SLC24A1: variants seen among roughly 807,000 people sequenced by gnomAD.
The protein encoded by SLC24A1 is solute carrier family 24 member 1, also known as sodium/potassium/calcium exchanger 1.
A neutral mutation model predicts 88.1 loss-of-function variants in SLC24A1; 52 were observed. That is an observed-to-expected ratio of 0.59 (90% CI 0.47 to 0.74). The LOEUF (loss-of-function observed/expected upper bound fraction) is 0.74. SLC24A1 is among the 30% of genes least tolerant of loss of function. The pLI is 0.00. For missense variants in SLC24A1, 1,173 were observed against 1,363.3 expected (o/e 0.86, Z 2.20); for synonymous variants, 455 against 498.0 (o/e 0.91, Z 1.15).
In SLC24A1 at chr15:65,654,864, C is replaced by G. The variant is rs1720873026; in HGVS notation, c.*785C>G. ...CTGCCCGCCTCGGCCTCCCAAAGTGCTGGGATTACAGGCGTCAGCCACCGC... is the reference window on the plus strand; with the variant it reads ...CTGCCCGCCTCGGCCTCCCAAAGTGGTGGGATTACAGGCGTCAGCCACCGC... On this transcript the variant is annotated 3_prime_UTR_variant, in exon 10 of 10. Transcript: ENST00000261892. 8.7e-7 allele frequency: 1 copy of G among 1,146,300 alleles called. No homozygotes were observed. Among genetic ancestry groups the G allele is most frequent in the African/African-American group, 1.7e-5 (1 of 60,404 alleles). The allele number at this position is 1,146,300 out of a possible 1,614,324, so 71.0% of individuals were successfully genotyped here.
At chr15:65,656,497 T>A (rs1691315846), downstream of SLC24A1, among the ~76,000 whole-genome samples, 4 of 152,234 alleles carry the variant, frequency 2.6e-5, no homozygotes, top group Admixed American at 2.6e-4. Context: ...GGTCACACAT[T>A]TACAAACGTA....
Position 65,654,672 on chromosome 15 carries a change from G to A in SLC24A1, c.*593G>A, listed in dbSNP as rs765750663. The stretch of plus-strand genomic sequence containing the variant: ...GGAATTAATGATCATTCCACGTTTT[G>A]TAGCCCACTGCATCTGGATATATAC... On this transcript the variant is annotated 3_prime_UTR_variant, in exon 10 of 10. Coordinates refer to ENST00000261892, the MANE Select transcript of SLC24A1 (RefSeq NM_004727.3). 3.1e-5 allele frequency: 40 copies of A among 1,271,130 alleles called. No homozygotes were observed. Among genetic ancestry groups the A allele is most frequent in the Non-Finnish European group, 4.1e-5 (40 of 983,542 alleles). The allele number at this position is 1,271,130 out of a possible 1,614,324, so 78.7% of individuals were successfully genotyped here.
intron 2 of SLC24A1, among the ~76,000 whole-genome samples, chr15:65,630,331 C>T (rs117620984): frequency 2.0e-4 from 30 of 152,318 alleles, no homozygotes; most frequent in South Asian, 2.1e-4. Flanking sequence ...TCAACAAGAC[C>T]TCAAGCAGAC....
chr15:65,654,804 C>G lies in SLC24A1; in HGVS notation c.*725C>G, dbSNP rs1434962154. 2 of 1,040,998 alleles carry G rather than the reference C, an allele frequency of 1.9e-6. No homozygotes were observed. Among genetic ancestry groups the G allele is most frequent in the Middle Eastern group, 3.9e-4 (1 of 2,534 alleles). The allele number at this position is 1,040,998 out of a possible 1,614,324, so 64.5% of individuals were successfully genotyped here. A position where few individuals can be genotyped will look rare whatever the true frequency, so the allele number is the denominator to read the frequency against. The stretch of plus-strand genomic sequence containing the variant: ...CACCACAACCTTCACCTCCCCGGTT[C>G]AAGCAATTCTCCTGCCTCAGCCTGA... On this transcript the variant is annotated 3_prime_UTR_variant, in exon 10 of 10. Coordinates refer to ENST00000261892, the MANE Select transcript of SLC24A1 (RefSeq NM_004727.3).
rs544205068 is a variant in SLC24A1 at position 65,627,178 on chromosome 15, G to A, written c.1890+1208G>A. Among the ~76,000 whole-genome samples, 34 of 152,322 alleles carry A rather than the reference G, an allele frequency of 2.2e-4. No homozygotes were observed. In the East Asian group the frequency reaches 3.9e-3, roughly 17 times the overall value. ...TGTTCTGGCCAAAGCACGGAATAGA[G>A]AGCCAGGAAACCTGAGTTCTAATCT... On this transcript the variant is annotated intron_variant, in intron 2 of 9. Transcript: ENST00000261892.
chr15:65,638,056 G>A lies in SLC24A1; in HGVS notation c.1891-72G>A, dbSNP rs181202714. The A allele has an allele frequency of 1.4e-3, 1,465 of 1,065,234 alleles. 5 individuals carry two copies. Among genetic ancestry groups the A allele is most frequent in the Non-Finnish European group, 9.6e-4 (669 of 699,592 alleles). 66.0% of individuals were successfully genotyped at this position (1,065,234 alleles called of 1,614,324 possible). A position where few individuals can be genotyped will look rare whatever the true frequency, so the allele number is the denominator to read the frequency against. On this transcript the variant is annotated intron_variant, in intron 2 of 9. Coordinates refer to ENST00000261892, the MANE Select transcript of SLC24A1 (RefSeq NM_004727.3). ...TCTGTATTTCAACCTGAGGACTTCC[G>A]TGGAGAAAGGGATGTAGGGAGAAAG...
At chr15:65,643,535 T>A (rs957209902) in intron 4 of SLC24A1, among the ~76,000 whole-genome samples, 2 of 152,210 alleles carry the variant, frequency 1.3e-5, no homozygotes, top group South Asian at 4.1e-4. Context: ...CTTGCACCAC[T>A]GCCTTCGCCC....
chr15:65,618,536 G>C (rs115672869), upstream of SLC24A1, among the ~76,000 whole-genome samples: 883 of 152,262 alleles, frequency 5.8e-3, 6 homozygotes, highest in African/African-American at 0.021. Flanking sequence ...AATTGAGATG[G>C]GAAGCCACTG....
intron 2 of SLC24A1, among the ~76,000 whole-genome samples, chr15:65,635,472 A>AG (rs1334237507): frequency 3.2e-4 from 47 of 147,722 alleles, no homozygotes; most frequent in African/African-American, 1.1e-3. Flanking sequence ...AAAAAAAAAG[A>AG]AAAAAAAAGA....
chr15:65,642,282 G>A (rs921646820), intron 4 of SLC24A1, among the ~76,000 whole-genome samples: 20 of 152,162 alleles, frequency 1.3e-4, no homozygotes, highest in African/African-American at 4.3e-4. Context: ...GAGCTGATCC[G>A]TGGAAAAGAT....
chr15:65,652,590 C>A, intron 8 of SLC24A1, 52 bp from the exon 9 acceptor site: 1 of 1,561,640 alleles, frequency 6.4e-7, no homozygotes, highest in Non-Finnish European at 8.8e-7. Flanking sequence ...GTGGATAGTG[C>A]TTGGATGTGC....
chr15:65,626,632 A>T (rs2141480399), intron 2 of SLC24A1, among the ~76,000 whole-genome samples: 1 of 152,324 alleles, frequency 6.6e-6, no homozygotes, highest in Middle Eastern at 3.4e-3. Flanking sequence ...AGACACCAGG[A>T]GCACTAATCC....
chr15:65,660,496 G>A (rs2075817795), downstream of SLC24A1: 1 of 536,740 alleles, frequency 1.9e-6, no homozygotes, highest in Admixed American at 3.5e-5. Context: ...TAATGATAAT[G>A]TGTGCAAACA....
chr15:65,635,165 G>A (rs1156602848), intron 2 of SLC24A1, among the ~76,000 whole-genome samples: 2 of 151,814 alleles, frequency 1.3e-5, no homozygotes, highest in South Asian at 2.1e-4. Context: ...GAGTGTAGAC[G>A]GGACCCTCAC....
Position 65,638,139 on chromosome 15 carries a change from G to A in SLC24A1, c.1902G>A (p.Gly634=). 2 of 1,610,270 alleles carry A rather than the reference G, an allele frequency of 1.2e-6. No homozygotes were observed. The change falls in exon 3 of 10, where the codon GGG becomes GGA. Residue 634 remains glycine (G), a synonymous_variant. Transcript: ENST00000261892. ...ALEDLSKPGD[G]AIAVDELQDN... ...CTCCCTGTTTGCAGCCGGGCGATGG[G>A]GCCATTGCGGTGGATGAGCTACAGG...
chr15:65,617,640 G>A (rs917704593), upstream of SLC24A1, among the ~76,000 whole-genome samples: 2 of 152,144 alleles, frequency 1.3e-5, no homozygotes, highest in African/African-American at 2.4e-5. Context: ...AGACAATGGG[G>A]TTTTCTAAAT....
intron 6 of SLC24A1, 122 bp downstream of exon 6, chr15:65,645,825 T>TGA (rs1477517952): frequency 1.5e-6 from 1 of 653,388 alleles, no homozygotes; most frequent in Non-Finnish European, 2.7e-6. Flanking sequence ...TGGGGGTAAA[T>TGA]ATTACCCTTT....
At chr15:65,623,089 A>G (rs1371166063) in intron 1 of SLC24A1, among the ~76,000 whole-genome samples, 1 of 152,196 alleles carries the variant, frequency 6.6e-6, no homozygotes, top group Non-Finnish European at 1.5e-5. Flanking sequence ...TTCCTGTGAC[A>G]CTGTTATTAT....
chr15:65,652,796 A>G lies in SLC24A1; in HGVS notation c.3038A>G (p.Asp1013Gly). ...AGCTCTGTGGGCAGTAACATATTTG[A>G]TATCACTGTGGGGTGAGTGGCAATG... ...VSSSVGSNIF[D>G]ITVGLPVPWL... The change falls in exon 9 of 10, where the codon GAT (aspartate) becomes GGT (glycine). Residue 1013 changes from aspartate (D) to glycine (G), a missense_variant. Physicochemically the swap from Asp to Gly is moderately conservative, Grantham distance 94. Transcript: ENST00000261892. 2 of 1,606,988 alleles carry G rather than the reference A, an allele frequency of 1.2e-6. No homozygotes were observed. Among genetic ancestry groups the G allele is most frequent in the Non-Finnish European group, 1.7e-6 (2 of 1,174,440 alleles).
Sources: allele counts gnomAD v4.1 joint callset (sites outside exome capture counted in the v4.1 genomes callset), GRCh38; gene constraint gnomAD v4.1.1; transcripts MANE v1.5; gene names NCBI Gene and HGNC (gene_info 2026-07-23, HGNC 2026-07-21).